NBAS: variants seen among roughly 807,000 people sequenced by gnomAD.
The protein encoded by NBAS is NBAS subunit of NRZ tethering complex.
In NBAS, 219 loss-of-function variants were observed where a neutral mutation model predicts 302.5. The ratio of observed to expected loss-of-function variants is 0.72; its 90% confidence interval spans 0.65 to 0.81. The LOEUF (loss-of-function observed/expected upper bound fraction) is 0.81, where lower values mean the gene tolerates loss of function less well. NBAS is among the 30% of genes least tolerant of loss of function. The probability of loss-of-function intolerance (pLI) is 0.00; values close to 1 mark genes in which losing one functional copy is unlikely to be tolerated. For synonymous variants in NBAS, 1,118 were observed against 1,021.6 expected (o/e 1.09, Z -1.80); for missense variants, 2,932 against 2,841.6 (o/e 1.03, Z -0.72).
the NBAS span, among the ~76,000 whole-genome samples, chr2:15,098,945 G>C: frequency 6.6e-6 from 1 of 150,958 alleles, no homozygotes; most frequent in South Asian, 2.1e-4. Flanking sequence ...ACTGAATGTT[G>C]GTGTCCCCCT....
chr2:15,239,399 G>GTATATATATATATA (rs374042921), intron 44 of NBAS, among the ~76,000 whole-genome samples: 2 of 133,932 alleles, frequency 1.5e-5, no homozygotes, highest in Non-Finnish European at 1.7e-5. Flanking sequence ...GTGTGTGTGT[G>GTATATATATATATA]TGTATATATA....
chr2:15,417,445 T>C (rs1676998790), intron 24 of NBAS, 82 bp downstream of exon 24: 9 of 1,205,486 alleles, frequency 7.5e-6, no homozygotes, highest in Non-Finnish European at 9.5e-6. Flanking sequence ...GAACATTTCA[T>C]CTTTGGTTTG....
chr2:14,951,481 C>G, the NBAS span, among the ~76,000 whole-genome samples: 4 of 152,186 alleles, frequency 2.6e-5, no homozygotes, highest in African/African-American at 9.7e-5. Flanking sequence ...GAGAGCCCAC[C>G]TGAGTATGGC....
At chr2:15,340,560 TC>T (rs1490952514) in intron 35 of NBAS, among the ~76,000 whole-genome samples, 1 of 152,104 alleles carries the variant, frequency 6.6e-6, no homozygotes, top group East Asian at 1.9e-4. Flanking sequence ...TACATTCAAG[TC>T]CGGAACTCAG....
chr2:15,384,486 T>C (rs970046547), intron 28 of NBAS, among the ~76,000 whole-genome samples: 7 of 151,520 alleles, frequency 4.6e-5, no homozygotes, highest in Non-Finnish European at 8.8e-5. Context: ...CCTTTTTGTA[T>C]AGCATAAAGA....
chr2:15,292,528 A>T lies in NBAS; in HGVS notation c.5027+9T>A, dbSNP rs748918360. On this transcript the variant is annotated intron_variant, in intron 41 of 51. Coordinates refer to ENST00000281513, the MANE Select transcript of NBAS (RefSeq NM_015909.4). ...TCCATCCCCTTATGAAACAAAGGGT[A>T]TCACTTACTCTGCCAGACCAAGGAT... The T allele has an allele frequency of 3.6e-5, 58 of 1,612,964 alleles. No individual in the cohort carries two copies. The highest frequency in any genetic ancestry group is 4.7e-5 in the Non-Finnish European group (56 of 1,179,060).
At chr2:15,307,508 A>G (rs1055697003) in intron 40 of NBAS, among the ~76,000 whole-genome samples, 1 of 152,232 alleles carries the variant, frequency 6.6e-6, no homozygotes, top group African/African-American at 2.4e-5. Flanking sequence ...AGTGGATTTT[A>G]AAGTCTAATC....
At chr2:15,182,607 T>A (rs1664880486) in intron 50 of NBAS, among the ~76,000 whole-genome samples, 1 of 152,158 alleles carries the variant, frequency 6.6e-6, no homozygotes, top group South Asian at 2.1e-4. Context: ...ACCTTCAGGG[T>A]CAGTCACAAA....
intron 1 of NBAS, among the ~76,000 whole-genome samples, chr2:15,559,585 G>A (rs536174406): frequency 6.6e-6 from 1 of 152,142 alleles, no homozygotes; most frequent in African/African-American, 2.4e-5. Flanking sequence ...TTGATTGTTG[G>A]ATTCATGCAA....
At chr2:15,375,859 G>C (rs1674709297) in intron 30 of NBAS, among the ~76,000 whole-genome samples, 1 of 150,846 alleles carries the variant, frequency 6.6e-6, no homozygotes, top group African/African-American at 2.4e-5. Flanking sequence ...CATCAAAAAG[G>C]AATAAAATAG....
At chr2:14,835,854 T>C in the NBAS span, among the ~76,000 whole-genome samples, 1 of 151,962 alleles carries the variant, frequency 6.6e-6, no homozygotes, top group Non-Finnish European at 1.5e-5. Flanking sequence ...GGTTAAAAGA[T>C]TGCATAGAAT....
the NBAS span, among the ~76,000 whole-genome samples, chr2:14,790,647 GC>G: frequency 7.3e-6 from 1 of 137,214 alleles, no homozygotes; most frequent in African/African-American, 3.0e-5. Flanking sequence ...AAGAATTCAT[GC>G]CTTTTTTTTT....
the NBAS span, among the ~76,000 whole-genome samples, chr2:14,795,924 TCTGTATGTC>T: frequency 6.6e-6 from 1 of 152,348 alleles, no homozygotes; most frequent in African/African-American, 2.4e-5. Flanking sequence ...TAAATATTCT[TCTGTATGTC>T]TTTTAGAAGT....
intron 49 of NBAS, 32 bp downstream of exon 49, chr2:15,190,232 T>C: frequency 6.2e-7 from 1 of 1,612,642 alleles, no homozygotes; most frequent in Non-Finnish European, 8.5e-7. Flanking sequence ...ACAAAAGAAC[T>C]CTAATTACGC....
At chr2:14,900,913 A>T in the NBAS span, among the ~76,000 whole-genome samples, 1 of 152,222 alleles carries the variant, frequency 6.6e-6, no homozygotes, top group Non-Finnish European at 1.5e-5. Context: ...ACCATCTGCA[A>T]AGGCTTGAAC....
chr2:15,273,538 G>T (rs1669427147), intron 44 of NBAS, among the ~76,000 whole-genome samples: 1 of 152,150 alleles, frequency 6.6e-6, no homozygotes, highest in Admixed American at 6.5e-5. Flanking sequence ...AGTTCAAATT[G>T]AGTTCTCTAT....
At chr2:15,529,105 C>T (rs1358501052) in intron 9 of NBAS, among the ~76,000 whole-genome samples, 2 of 151,788 alleles carry the variant, frequency 1.3e-5, no homozygotes, top group Admixed American at 1.3e-4. Flanking sequence ...TTCCTAATAC[C>T]AACAACTTCT....
chr2:14,849,784 T>A, the NBAS span, among the ~76,000 whole-genome samples: 3 of 142,482 alleles, frequency 2.1e-5, no homozygotes, highest in Admixed American at 1.3e-4. Context: ...TTCAACATTC[T>A]TAAAGAAAAG....
rs376517208 is a variant in NBAS, at chr2:15,276,921, A to T, written c.5319T>A (p.Asp1773Glu). 1.9e-6 allele frequency: 3 copies of T among 1,613,944 alleles called. No homozygotes were observed. The African/African-American group carries it at 4.0e-5, about 22-fold the overall frequency. ...CTGGTTTAATGGCACAGTTCCCCAA[A>T]TCTGCACAGCCACAGTTTTCCAGAA... ...FTLLENCGCA[D>E]LGNCAIKPET... Residue 1773 changes from aspartate to glutamate, a missense_variant, in exon 43 of 52, where the codon GAT becomes GAA. By Grantham distance (45) the Asp-to-Glu change is conservative. Transcript: ENST00000281513.
Sources: allele counts gnomAD v4.1 joint callset (sites outside exome capture counted in the v4.1 genomes callset), GRCh38; gene constraint gnomAD v4.1.1; transcripts MANE v1.5; gene names NCBI Gene and HGNC (gene_info 2026-07-23, HGNC 2026-07-21).